Variants in NDC80 observed in about 807,000 individuals in gnomAD.
The protein encoded by NDC80 is kinetochore protein NDC80 homolog.
In NDC80, 69 loss-of-function variants were observed where a neutral mutation model predicts 89.3. That is an observed-to-expected ratio of 0.77 (90% CI 0.64 to 0.94). NDC80 has a LOEUF of 0.94. NDC80 is among the 40% of genes least tolerant of loss of function. NDC80 has a pLI of 0.00. For synonymous variants in NDC80, 243 were observed against 255.6 expected (o/e 0.95, Z 0.47); for missense variants, 593 against 739.6 (o/e 0.80, Z 2.30).
rs150692122 is a variant in NDC80 at position 2,616,492 on chromosome 18, C to G, written c.1847C>G (p.Ser616Ter). Residue 616 changes from serine to a stop codon, truncating the protein, a stop_gained, in exon 17 of 17, where the codon TCA becomes TGA. Coordinates refer to ENST00000261597, the MANE Select transcript of NDC80 (RefSeq NM_006101.3). LOFTEE classifies it high-confidence loss of function. ...KVDREYEECM[S>*]EDLSENIKEI... ...GATAGAGAATATGAAGAATGCATGT[C>G]AGAAGATCTCTCGGAAAATATTAAA... The G allele has an allele frequency of 6.5e-7, 1 of 1,533,544 alleles. No homozygotes were observed. The highest frequency in any genetic ancestry group is 1.4e-5 in the African/African-American group (1 of 71,832). 95.0% of individuals were successfully genotyped at this position (1,533,544 alleles called of 1,614,324 possible). A position where few individuals can be genotyped will look rare whatever the true frequency, so the allele number is the denominator to read the frequency against.
intron 13 of NDC80, among the ~76,000 whole-genome samples, chr18:2,604,907 T>C (rs2072702056): frequency 6.6e-6 from 1 of 152,102 alleles, no homozygotes; most frequent in Non-Finnish European, 1.5e-5. Flanking sequence ...TTTTGAAGAA[T>C]AGATGAGAGG....
intron 14 of NDC80, among the ~76,000 whole-genome samples, chr18:2,607,146 G>A (rs1359220407): frequency 6.6e-6 from 1 of 151,990 alleles, no homozygotes; most frequent in Non-Finnish European, 1.5e-5. Context: ...GTTATATTTA[G>A]GACCTATTTG....
At chr18:2,572,716 A>G (rs1247451504) in intron 1 of NDC80, among the ~76,000 whole-genome samples, 2 of 152,198 alleles carry the variant, frequency 1.3e-5, no homozygotes, top group East Asian at 1.9e-4. Flanking sequence ...CATCTCCTGC[A>G]TTGCCTAGCA....
In NDC80 at chr18:2,614,599, A is replaced by G. The variant is rs1160540559; in HGVS notation, c.1792-1838A>G. ...AAAGAAAGAAAGAAAGAAAGAAAGA[A>G]AGAAAGAAAGAAAGAAAGAAAGAAA... On this transcript the variant is annotated intron_variant, in intron 16 of 16. Transcript: ENST00000261597. The G allele has an allele frequency of 1.4e-3, 7 of 4,998 alleles. 3 individuals carry two copies. The highest frequency in any genetic ancestry group is 6.4e-3 in the African/African-American group (7 of 1,102). 0.3% of individuals were successfully genotyped at this position (4,998 alleles called of 1,614,324 possible).
At chr18:2,572,856 A>G (rs1042603651) in intron 1 of NDC80, 121 bp from the exon 2 acceptor site, 12 of 696,538 alleles carry the variant, frequency 1.7e-5, no homozygotes, top group Non-Finnish European at 2.9e-5. Flanking sequence ...CCCCAGGGGA[A>G]AGATGATGAT....
intron 13 of NDC80, among the ~76,000 whole-genome samples, chr18:2,604,584 A>G (rs192126268): frequency 8.5e-5 from 13 of 152,304 alleles, no homozygotes; most frequent in Admixed American, 2.0e-4. Flanking sequence ...CTGGAGGCTG[A>G]GGTGGGAGAT....
At chr18:2,583,345 C>G (rs1384569923) in intron 6 of NDC80, among the ~76,000 whole-genome samples, 1 of 152,114 alleles carries the variant, frequency 6.6e-6, no homozygotes, top group Non-Finnish European at 1.5e-5. Context: ...ACCCTGATGA[C>G]AAGATATAAG....
In NDC80 at chr18:2,614,484, G is replaced by GAAAGA. The variant is rs1568015782; in HGVS notation, c.1792-1951_1792-1950insAGAAA. 11 of 7,640 alleles carry GAAAGA rather than the reference G, an allele frequency of 1.4e-3. 1 individual carries two copies. The highest frequency in any genetic ancestry group is 2.2e-3 in the Admixed American group (1 of 452). The allele number at this position is 7,640 out of a possible 1,614,324, so 0.5% of individuals were successfully genotyped here. On this transcript the variant is annotated intron_variant, in intron 16 of 16. Coordinates refer to ENST00000261597, the MANE Select transcript of NDC80 (RefSeq NM_006101.3). Reference sequence around the variant, plus strand: ...GAAAGAAAGAAAGAAAGAAAGAAAGGAAGGAAGGAAGGAAGGAAGGAAGGA... The same window carrying GAAAGA: ...GAAAGAAAGAAAGAAAGAAAGAAAGGAAAGAAAGGAAGGAAGGAAGGAAGGAAGGA...
intron 6 of NDC80, among the ~76,000 whole-genome samples, chr18:2,580,453 A>T (rs534639572): frequency 7.6e-4 from 115 of 152,024 alleles, no homozygotes; most frequent in African/African-American, 2.6e-3. Context: ...TAGTGCTAGA[A>T]TTCCTAAAGC....
intron 13 of NDC80, among the ~76,000 whole-genome samples, chr18:2,604,455 G>T (rs897654155): frequency 6.6e-6 from 1 of 152,168 alleles, no homozygotes; most frequent in Non-Finnish European, 1.5e-5. Flanking sequence ...GGCCAAGGCG[G>T]GTGGATGGCT....
Position 2,616,502 on chromosome 18 carries a change from C to A in NDC80, c.1857C>A (p.Leu619=). Residue 619 remains leucine (L), a synonymous_variant, in exon 17 of 17, where the codon CTC becomes CTA. Coordinates refer to ENST00000261597, the MANE Select transcript of NDC80 (RefSeq NM_006101.3). ...REYEECMSED[L]SENIKEIRDK... Reference sequence around the variant, plus strand: ...ATGAAGAATGCATGTCAGAAGATCTCTCGGAAAATATTAAAGAGATTAGAG... The same window carrying A: ...ATGAAGAATGCATGTCAGAAGATCTATCGGAAAATATTAAAGAGATTAGAG... 6.6e-7 allele frequency: 1 copy of A among 1,526,032 alleles called. No individual in the cohort carries two copies. Among genetic ancestry groups the A allele is most frequent in the Non-Finnish European group, 8.9e-7 (1 of 1,125,274 alleles). The allele number at this position is 1,526,032 out of a possible 1,614,324, so 94.5% of individuals were successfully genotyped here. A position where few individuals can be genotyped will look rare whatever the true frequency, so the allele number is the denominator to read the frequency against.
intron 13 of NDC80, among the ~76,000 whole-genome samples, chr18:2,602,559 T>C (rs868299091): frequency 1.6e-4 from 25 of 152,182 alleles, no homozygotes; most frequent in African/African-American, 5.8e-4. Context: ...TTTGCTGTAA[T>C]GGGTACTAAA....
At chr18:2,610,665 GT>G in intron 15 of NDC80, 93 bp from the exon 16 acceptor site, 27 of 704,120 alleles carry the variant, frequency 3.8e-5, no homozygotes, top group South Asian at 5.8e-5. Context: ...TCACAGTTTG[GT>G]TTTTTTGAAT....
At position 2,607,998 on chromosome 18, in the gene NDC80, T is replaced by TATATAA. The variant is rs771183596; in HGVS notation, c.1558-701_1558-700insTATAAA. ...ATATATATATATATATATATATATA[T>TATATAA]AACTTATTTAGCTAGCCCCTTATTA... On this transcript the variant is annotated intron_variant, in intron 14 of 16. Coordinates refer to ENST00000261597, the MANE Select transcript of NDC80 (RefSeq NM_006101.3). Among the ~76,000 whole-genome samples the TATATAA allele has an allele frequency of 8.5e-3, 1,074 of 126,768 alleles. 11 individuals are homozygous for TATATAA. Among genetic ancestry groups the TATATAA allele is most frequent in the East Asian group, 0.025 (102 of 4,080 alleles). The allele number at this position is 126,768 out of a possible 152,430, so 83.2% of individuals were successfully genotyped here.
chr18:2,599,722 T>G (rs2072674896), intron 12 of NDC80, among the ~76,000 whole-genome samples: 1 of 152,242 alleles, frequency 6.6e-6, no homozygotes, highest in African/African-American at 2.4e-5. Context: ...AGAAAATTTT[T>G]AAATAGCTCT....
At chr18:2,594,003 A>C (rs1400868242) in intron 10 of NDC80, 1 of 169,598 alleles carries the variant, frequency 5.9e-6, no homozygotes, top group East Asian at 1.8e-4. Flanking sequence ...CCCAGATTCA[A>C]GTGATTCACG....
At chr18:2,589,390 A>C (rs2143645149) in intron 9 of NDC80, 80 bp downstream of exon 9, 1 of 927,514 alleles carries the variant, frequency 1.1e-6, no homozygotes, top group East Asian at 2.5e-5. Context: ...GTCTTTATCA[A>C]AATTTTAAAA....
chr18:2,572,290 C>T (rs1018935903), intron 1 of NDC80, among the ~76,000 whole-genome samples: 2 of 152,190 alleles, frequency 1.3e-5, no homozygotes, highest in Non-Finnish European at 2.9e-5. Context: ...AGAGATGAGA[C>T]AGGATCAAAA....
chr18:2,575,706 C>T (rs1365704549), intron 3 of NDC80, among the ~76,000 whole-genome samples: 1 of 152,176 alleles, frequency 6.6e-6, no homozygotes, highest in East Asian at 1.9e-4. Flanking sequence ...GGGCAGATCA[C>T]TTGAGTCCAG....
Sources: allele counts gnomAD v4.1 joint callset (sites outside exome capture counted in the v4.1 genomes callset), GRCh38; gene constraint gnomAD v4.1.1; transcripts MANE v1.5; gene names NCBI Gene and HGNC (gene_info 2026-07-23, HGNC 2026-07-21).